ZFHX3: variants seen among roughly 807,000 people sequenced by gnomAD.
ZFHX3 encodes the protein zinc finger homeobox protein 3.
In ZFHX3, 42 loss-of-function variants were observed where a neutral mutation model predicts 279.1. The observed-to-expected ratio is 0.15, with a 90% CI of 0.12 to 0.19. The LOEUF is 0.19. ZFHX3 is among the 10% of genes least tolerant of loss of function. The pLI is 1.00. For missense variants in ZFHX3, 4,981 were observed against 4,754.0 expected, an observed-to-expected ratio of 1.05 and a Z score of -1.40; for synonymous variants, 2,293 against 1,957.8, an observed-to-expected ratio of 1.17 and a Z score of -4.52.
At chr16:73,480,529 T>C (rs958783983) in intron 2 of ZFHX3, among the ~76,000 whole-genome samples, 10 of 152,164 alleles carry the variant, frequency 6.6e-5, no homozygotes, top group African/African-American at 2.2e-4. Flanking sequence ...CACTCTGCTT[T>C]TCTCCCCAGG....
intron 1 of ZFHX3, among the ~76,000 whole-genome samples, chr16:73,057,741 G>T (rs945971729): frequency 2.6e-5 from 4 of 151,418 alleles, no homozygotes; most frequent in East Asian, 1.9e-4. Context: ...GGGGCAGGGC[G>T]GAGAGCGCAC....
intron 1 of ZFHX3, among the ~76,000 whole-genome samples, chr16:72,989,444 T>G (rs1962986698): frequency 6.6e-6 from 1 of 150,646 alleles, no homozygotes; most frequent in South Asian, 2.1e-4. Context: ...ATTGTGTCAC[T>G]GCACTCCAGC....
chr16:73,058,696 TGGCGGCGGCGGC>T (rs552488803), exon 1 of ZFHX3: 70 of 169,958 alleles, frequency 4.1e-4, no homozygotes, highest in African/African-American at 1.2e-3. Flanking sequence ...GACGCGCTGC[TGGCGGCGGCGGC>T]GGCGGCGGCG....
At chr16:73,209,912 T>C (rs1234596921) in intron 5 of ZFHX3, among the ~76,000 whole-genome samples, 1 of 152,206 alleles carries the variant, frequency 6.6e-6, no homozygotes, top group Non-Finnish European at 1.5e-5. Context: ...TCAATGTTCA[T>C]GACTTTTTCA....
At chr16:73,423,861 CAAA>C (rs34917527) in intron 3 of ZFHX3, among the ~76,000 whole-genome samples, 3,512 of 136,698 alleles carry the variant, frequency 0.026, 114 homozygotes, top group South Asian at 0.12. Flanking sequence ...GACTCCATCT[CAAA>C]AAAAAAAAAA....
intron 1 of ZFHX3, among the ~76,000 whole-genome samples, chr16:73,716,434 G>T (rs927866367): frequency 1.3e-5 from 2 of 152,064 alleles, no homozygotes; most frequent in Non-Finnish European, 1.5e-5. Flanking sequence ...CCAGGAAATC[G>T]CAATTAAAAA....
At chr16:73,206,239 G>T (rs758921626) in intron 5 of ZFHX3, among the ~76,000 whole-genome samples, 4 of 152,158 alleles carry the variant, frequency 2.6e-5, no homozygotes, top group Non-Finnish European at 5.9e-5. Context: ...AATTTTAAAA[G>T]AATTAGGCCA....
intron 4 of ZFHX3, among the ~76,000 whole-genome samples, chr16:73,301,337 GA>G (rs2015051722): frequency 1.3e-5 from 2 of 152,100 alleles, no homozygotes; most frequent in Admixed American, 1.3e-4. Context: ...AAATAGGACA[GA>G]AAAAAATGGG....
rs903890035 is a variant in ZFHX3 at position 73,607,905 on chromosome 16, T to G, written c.-1547+72275A>C. 3.0e-4 allele frequency among the ~76,000 whole-genome samples: 45 copies of G among 151,874 alleles called. 2 individuals carry two copies. Among genetic ancestry groups the G allele is most frequent in the Admixed American group, 2.9e-3 (44 of 15,258 alleles). The stretch of plus-strand genomic sequence containing the variant: ...GGCAACATGGCAAAACCCTGTCACT[T>G]CAAAAAGTACAAAAAATTCAGCCAG... On this transcript the variant is annotated intron_variant, in intron 2 of 17. Coordinates refer to the ZFHX3 transcript ENST00000641206.
At chr16:73,088,279 G>A (rs1289424192) in intron 8 of ZFHX3, among the ~76,000 whole-genome samples, 1 of 151,942 alleles carries the variant, frequency 6.6e-6, no homozygotes, top group Non-Finnish European at 1.5e-5. Flanking sequence ...CTGCACGGCT[G>A]GGATCACAGC....
chr16:73,500,315 TTTTG>T (rs142507295), intron 2 of ZFHX3: 6,043 of 154,122 alleles, frequency 0.039, 172 homozygotes, highest in African/African-American at 0.08. Flanking sequence ...GTTTTTGTTT[TTTTG>T]TTTGTTTGTT....
At chr16:73,569,434 A>T (rs2051712270) in intron 2 of ZFHX3, among the ~76,000 whole-genome samples, 6 of 151,700 alleles carry the variant, frequency 4.0e-5, no homozygotes, top group Admixed American at 3.9e-4. Flanking sequence ...CGAAAGAGAT[A>T]CCGATGTTCC....
At chr16:73,034,666 G>T (rs1207669001) in intron 1 of ZFHX3, among the ~76,000 whole-genome samples, 1 of 152,202 alleles carries the variant, frequency 6.6e-6, no homozygotes, top group Non-Finnish European at 1.5e-5. Context: ...TAAGTCTGTT[G>T]TAACAAACAC....
At chr16:72,867,076 T>C (rs908164014) in intron 4 of ZFHX3, among the ~76,000 whole-genome samples, 2 of 152,172 alleles carry the variant, frequency 1.3e-5, no homozygotes, top group African/African-American at 4.8e-5. Flanking sequence ...TTTCCCACCA[T>C]GGGCTGAACA....
At chr16:73,156,789 C>T (rs1169585813) in intron 5 of ZFHX3, among the ~76,000 whole-genome samples, 1 of 152,042 alleles carries the variant, frequency 6.6e-6, no homozygotes, top group Non-Finnish European at 1.5e-5. Context: ...TCTTGGCTCA[C>T]TGCAACCTTC....
At chr16:73,142,857 G>A (rs1966851127) in intron 6 of ZFHX3, among the ~76,000 whole-genome samples, 1 of 152,200 alleles carries the variant, frequency 6.6e-6, no homozygotes, top group African/African-American at 2.4e-5. Flanking sequence ...TGGAGAAACT[G>A]ACGTCCAGAA....
intron 7 of ZFHX3, chr16:72,807,131 A>G (rs1567525182): frequency 6.6e-6 from 1 of 152,212 alleles, no homozygotes; most frequent in African/African-American, 2.4e-5. Flanking sequence ...AAATAAGGGC[A>G]CCGAGCAGCA....
intron 1 of ZFHX3, among the ~76,000 whole-genome samples, chr16:73,865,127 G>C (rs1480536153): frequency 1.3e-5 from 2 of 152,202 alleles, no homozygotes; most frequent in Non-Finnish European, 2.9e-5. Context: ...TGAGGTCCCA[G>C]AAAAATGAGT....
chr16:72,822,795 G>GCT (rs2036829166), intron 5 of ZFHX3, among the ~76,000 whole-genome samples: 1 of 90,438 alleles, frequency 1.1e-5, no homozygotes. Context: ...TAGAAAGTGA[G>GCT]TTTTTTTTTT....
Sources: gnomAD v4.1 joint callset for allele counts (sites outside exome capture counted in the v4.1 genomes callset) on GRCh38, gnomAD v4.1.1 for gene constraint, MANE v1.5 for transcripts, NCBI Gene and HGNC (gene_info 2026-07-23, HGNC 2026-07-21) for gene names.